The following SEC24D variants were observed in gnomAD, a reference collection of about 807,000 sequenced individuals.
The protein encoded by SEC24D is protein transport protein Sec24D.
In SEC24D, 69 loss-of-function variants were observed where a neutral mutation model predicts 116.9. That is an observed-to-expected ratio of 0.59 (90% CI 0.49 to 0.72). SEC24D has a LOEUF of 0.72. Among genes scored for constraint, SEC24D ranks in the 30% least tolerant of loss-of-function variants. SEC24D has a pLI of 0.00. For missense variants in SEC24D, 1,131 were observed against 1,264.1 expected, an observed-to-expected ratio of 0.89 and a Z score of 1.60; for synonymous variants, 405 against 442.8, an observed-to-expected ratio of 0.91 and a Z score of 1.07.
At chr4:118,830,101 T>TCCAATAATTTA (rs1730780993) in intron 2 of SEC24D, among the ~76,000 whole-genome samples, 2 of 152,198 alleles carry the variant, frequency 1.3e-5, no homozygotes, top group Non-Finnish European at 1.5e-5. Flanking sequence ...AGTAATTTAG[T>TCCAATAATTTA]GAAAGTCTTA....
intron 3 of SEC24D, among the ~76,000 whole-genome samples, chr4:118,821,488 A>C (rs922053173): frequency 6.6e-6 from 1 of 152,242 alleles, no homozygotes; most frequent in African/African-American, 2.4e-5. Context: ...CAGTCAAATC[A>C]AAAAGACAAA....
At chr4:118,771,798 G>A (rs543270185) in intron 8 of SEC24D, among the ~76,000 whole-genome samples, 20 of 152,128 alleles carry the variant, frequency 1.3e-4, no homozygotes, top group Admixed American at 4.6e-4. Flanking sequence ...TCAGTTTTCC[G>A]AGTATTGCTG....
chr4:118,741,149 A>T (rs1046324273), intron 15 of SEC24D, 112 bp from the exon 16 acceptor site: 1 of 548,538 alleles, frequency 1.8e-6, no homozygotes, highest in African/African-American at 1.9e-5. Flanking sequence ...CCGATTTAGC[A>T]TATTTTTTTA....
At chr4:118,791,726 G>A (rs78439694) in intron 8 of SEC24D, among the ~76,000 whole-genome samples, 43,913 of 151,924 alleles carry the variant, frequency 0.29, 7,079 homozygotes, top group Non-Finnish European at 0.37. Flanking sequence ...GGGTTTCGCC[G>A]TGCTGGCCGG....
At chr4:118,816,911 C>T in intron 4 of SEC24D, 2 of 405,910 alleles carry the variant, frequency 4.9e-6, no homozygotes, top group Non-Finnish European at 4.8e-6. Context: ...ATTTGGGGGC[C>T]CCATCATAAA....
chr4:118,792,303 T>G (rs1252237947), intron 8 of SEC24D, among the ~76,000 whole-genome samples: 1 of 142,086 alleles, frequency 7.0e-6, no homozygotes, highest in East Asian at 2.2e-4. Context: ...AGCTGCCCCG[T>G]CCGGGAGGTG....
At chr4:118,752,160 C>T in intron 12 of SEC24D, 71 bp from the exon 13 acceptor site, 1 of 1,009,872 alleles carries the variant, frequency 9.9e-7, no homozygotes, top group East Asian at 2.4e-5. Flanking sequence ...CAATAAATCA[C>T]TAACATTTCA....
At position 118,815,128 on chromosome 4, in the gene SEC24D, G is replaced by C. The variant is rs774923639; in HGVS notation, c.701C>G (p.Ala234Gly). The C allele has an allele frequency of 2.5e-6, 4 of 1,614,156 alleles. No homozygotes were observed. In the Admixed American group the frequency reaches 6.7e-5, roughly 27 times the overall value. ...GAAGCCTCCTGGGTAAGACAGTTGT[G>C]CGCCTGCCATCTGGGGACCAGAGTT... ...QANSGPQMAG[A>G]QLSYPGGFPG... The change falls in exon 6 of 23, where the codon GCA becomes GGA. Residue 234 changes from alanine (A) to glycine (G), a missense_variant. Physicochemically the swap from Ala to Gly is moderately conservative, Grantham distance 60 (BLOSUM62 0). Coordinates refer to ENST00000280551, the MANE Select transcript of SEC24D (RefSeq NM_014822.4).
intron 8 of SEC24D, among the ~76,000 whole-genome samples, chr4:118,796,557 A>G (rs1729190312): frequency 6.6e-6 from 1 of 152,198 alleles, no homozygotes; most frequent in South Asian, 2.1e-4. Context: ...CATTACATTC[A>G]TAAGGACAGT....
At chr4:118,787,941 T>C (rs868109199) in intron 8 of SEC24D, among the ~76,000 whole-genome samples, 3 of 152,090 alleles carry the variant, frequency 2.0e-5, no homozygotes, top group Admixed American at 6.6e-5. Context: ...GCTTCCTGAG[T>C]AGCTGGAACT....
At chr4:118,736,054 G>A (rs928448298) in intron 19 of SEC24D, 1 of 140,280 alleles carries the variant, frequency 7.1e-6, no homozygotes, top group African/African-American at 2.7e-5. Flanking sequence ...TGCCCACGCT[G>A]GAGTCGAGTG....
In SEC24D at chr4:118,817,240, A is replaced by G. The variant is rs756707417; in HGVS notation, c.397+24T>C. The G allele has an allele frequency of 1.9e-6, 3 of 1,573,704 alleles. No individual in the cohort carries two copies. The East Asian group carries it at 6.7e-5, about 35-fold the overall frequency. ...ATGACCAGGACACAAGGCAGTCAATAAACACTAATAATAAAACTATTACCA... is the reference window on the plus strand; with the variant it reads ...ATGACCAGGACACAAGGCAGTCAATGAACACTAATAATAAAACTATTACCA... On this transcript the variant is annotated intron_variant, in intron 4 of 22. Transcript: ENST00000280551.
chr4:118,780,907 C>CTTT (rs143712578), intron 8 of SEC24D, among the ~76,000 whole-genome samples: 48 of 61,832 alleles, frequency 7.8e-4, no homozygotes, highest in African/African-American at 1.2e-3. Flanking sequence ...GCAACCCCTG[C>CTTT]TTTTTTTTTT....
intron 8 of SEC24D, chr4:118,769,676 C>T (rs766756556): frequency 2.0e-5 from 3 of 152,128 alleles, no homozygotes; most frequent in African/African-American, 4.8e-5. Flanking sequence ...TTTATTAACA[C>T]AATACTCAAA....
intron 21 of SEC24D, chr4:118,730,119 G>T (rs1725607764): frequency 6.6e-6 from 1 of 152,212 alleles, no homozygotes; most frequent in Admixed American, 6.5e-5. Context: ...ATTTCCTGTG[G>T]ATGTTCAGTT....
chr4:118,814,130 G>A (rs116548907), intron 6 of SEC24D, among the ~76,000 whole-genome samples: 6,757 of 152,216 alleles, frequency 0.044, 206 homozygotes, highest in Non-Finnish European at 0.064. Flanking sequence ...AGCCAATTTC[G>A]TTATTATTCC....
At position 118,817,433 on chromosome 4, in the gene SEC24D, G is replaced by A. The variant is rs113324504; in HGVS notation, c.249-21C>T. ...GAAATCTGAGAGAGGAAAACAGGAT[G>A]TCAAACAATATCACAGCGTCTCAAG... On this transcript the variant is annotated intron_variant, in intron 3 of 22. Coordinates refer to ENST00000280551, the MANE Select transcript of SEC24D (RefSeq NM_014822.4). The A allele has an allele frequency of 9.2e-5, 147 of 1,593,198 alleles. 1 individual carries two copies. The African/African-American group carries it at 1.5e-3, about 17-fold the overall frequency.
In SEC24D at chr4:118,778,645, A is replaced by T. The variant is rs552743282; in HGVS notation, c.1042-10334T>A. Among the ~76,000 whole-genome samples, 146 of 152,294 alleles carry T rather than the reference A, an allele frequency of 9.6e-4. 1 individual carries two copies. Among genetic ancestry groups the T allele is most frequent in the Non-Finnish European group, 1.9e-3 (126 of 68,024 alleles). Reference sequence around the variant, plus strand: ...TTTTTCCAATTCCATTAAGAAAGTCATTGGTAGCTTGACGAGGATGGCACT... The same window carrying T: ...TTTTTCCAATTCCATTAAGAAAGTCTTTGGTAGCTTGACGAGGATGGCACT... On this transcript the variant is annotated intron_variant, in intron 8 of 22. Transcript: ENST00000280551.
In SEC24D at chr4:118,723,414, G is replaced by T; in HGVS notation, c.*101C>A. 1 of 1,233,496 alleles carries T rather than the reference G, an allele frequency of 8.1e-7. No individual in the cohort carries two copies. Among genetic ancestry groups the T allele is most frequent in the Non-Finnish European group, 1.1e-6 (1 of 885,640 alleles). The allele number at this position is 1,233,496 out of a possible 1,614,324, so 76.4% of individuals were successfully genotyped here. ...CTTCCTGGAAAGTTATTCTGAAAAT[G>T]AGCAAGAAATCAAAACTAGCCTATT... On this transcript the variant is annotated 3_prime_UTR_variant, in exon 23 of 23. Coordinates refer to ENST00000280551, the MANE Select transcript of SEC24D (RefSeq NM_014822.4).
Sources: allele counts gnomAD v4.1 joint callset (sites outside exome capture counted in the v4.1 genomes callset), GRCh38; gene constraint gnomAD v4.1.1; transcripts MANE v1.5; gene names NCBI Gene and HGNC (gene_info 2026-07-23, HGNC 2026-07-21).